Variants in PHTF1 observed in about 807,000 individuals in gnomAD.
PHTF1 encodes protein PHTF1.
Under a neutral mutation model 102.4 loss-of-function variants are expected in PHTF1, and 88 were observed. That is an observed-to-expected ratio of 0.86 (90% CI 0.72 to 1.03). The LOEUF (loss-of-function observed/expected upper bound fraction) is 1.03, where lower values mean the gene tolerates loss of function less well. PHTF1 is among the 50% of genes least tolerant of loss of function. The pLI, the probability that PHTF1 is intolerant of heterozygous loss-of-function variation, is 0.00. For synonymous variants in PHTF1, 289 were observed against 305.2 expected (o/e 0.95, Z 0.55); for missense variants, 814 against 909.5 (o/e 0.89, Z 1.35).
chr1:113,717,197 AC>A (rs1218829050), intron 7 of PHTF1, among the ~76,000 whole-genome samples: 44 of 152,012 alleles, frequency 2.9e-4, no homozygotes, highest in Admixed American at 2.9e-3. Context: ...CCTCAATGTA[AC>A]CCCCAAATTA....
intron 17 of PHTF1, chr1:113,699,459 T>C (rs1649198466): frequency 3.2e-6 from 2 of 629,306 alleles, no homozygotes; most frequent in African/African-American, 1.8e-5. Context: ...TTCATGTCCT[T>C]GACCAGATGG....
chr1:113,739,248 T>C, intron 3 of PHTF1, among the ~76,000 whole-genome samples: 1 of 152,212 alleles, frequency 6.6e-6, no homozygotes, highest in East Asian at 1.9e-4. Context: ...TAAAGCTCCT[T>C]AAAGGAACTT....
At chr1:113,706,803 G>T in intron 11 of PHTF1, 81 bp from the exon 12 acceptor site, 1 of 886,338 alleles carries the variant, frequency 1.1e-6, no homozygotes, top group Non-Finnish European at 1.7e-6. Context: ...CCATTCATTT[G>T]CCAACACTCT....
chr1:113,728,759 A>C (rs1654208586), intron 5 of PHTF1, among the ~76,000 whole-genome samples: 1 of 152,084 alleles, frequency 6.6e-6, no homozygotes, highest in African/African-American at 2.4e-5. Flanking sequence ...AAATATAAAA[A>C]TTTGCCAGGC....
chr1:113,699,325 G>C, intron 17 of PHTF1: 1 of 341,862 alleles, frequency 2.9e-6, no homozygotes, highest in Non-Finnish European at 5.6e-6. Context: ...GATGGTGCTG[G>C]CTACCTCCTT....
chr1:113,720,636 G>A (rs1367412653), intron 7 of PHTF1, among the ~76,000 whole-genome samples: 1 of 152,198 alleles, frequency 6.6e-6, no homozygotes, highest in East Asian at 1.9e-4. Flanking sequence ...TCATGGGCTG[G>A]TGTTGAGTGT....
intron 11 of PHTF1, among the ~76,000 whole-genome samples, chr1:113,709,816 G>C (rs1650783598): frequency 6.6e-6 from 1 of 152,104 alleles, no homozygotes. Flanking sequence ...ATGGCTATCT[G>C]ACTTTATGAT....
chr1:113,699,770 CT>C lies in PHTF1; in HGVS notation c.2075del (p.Lys692SerfsTer10), dbSNP rs752176716. The C allele has an allele frequency of 3.3e-5, 46 of 1,396,684 alleles. No homozygotes were observed. The highest frequency in any genetic ancestry group is 5.7e-5 in the Admixed American group (3 of 52,592). 86.5% of individuals were successfully genotyped at this position (1,396,684 alleles called of 1,614,324 possible). A position where few individuals can be genotyped will look rare whatever the true frequency, so the allele number is the denominator to read the frequency against. ...GAGTAAGCTGTTCTTTCTTATTTGG[CT>C]TTTTTTCCATCTTAAGATATAAATT... ...QINLYLKMEKKPNKKEQLTLV... is the reference protein window; with the variant it reads ...QINLYLKMEKXPNKKEQLTLV... On this transcript the variant is annotated frameshift_variant, in exon 17 of 19. Transcript: ENST00000369604. LOFTEE classifies it high-confidence loss of function.
At chr1:113,744,722 G>A (rs1224016284) in intron 3 of PHTF1, among the ~76,000 whole-genome samples, 1 of 152,204 alleles carries the variant, frequency 6.6e-6, no homozygotes, top group African/African-American at 2.4e-5. Flanking sequence ...GGCTGAGGCA[G>A]GCAGATTCCC....
chr1:113,736,266 C>A (rs1336397449), intron 5 of PHTF1, among the ~76,000 whole-genome samples: 45 of 149,692 alleles, frequency 3.0e-4, no homozygotes, highest in Non-Finnish European at 3.0e-5. Flanking sequence ...GGCGTGAACC[C>A]AGGAGGCAGA....
At chr1:113,758,177 G>C (rs1369396204) in intron 2 of PHTF1, among the ~76,000 whole-genome samples, 3 of 138,732 alleles carry the variant, frequency 2.2e-5, no homozygotes, top group Non-Finnish European at 4.5e-5. Context: ...CTTGCAGTGA[G>C]CCGAGGTCGC....
Position 113,713,351 on chromosome 1 carries a change from T to C in PHTF1, c.711A>G (p.Gln237=), listed in dbSNP as rs144172678. ...SCVHPIIKRR[Q]CRPEIRMWQT... is the part of the protein sequence containing the mutation. ...GCCACATTCTAATCTCTGGTCGACA[T>C]TGTCTCCTCTTAATGATAGGATGGA... The change falls in exon 8 of 19, where the codon CAA becomes CAG. Residue 237 remains glutamine (Q), a synonymous_variant. Transcript: ENST00000369604. 1.1e-4 allele frequency: 172 copies of C among 1,611,544 alleles called. No homozygotes were observed. In the African/African-American group the frequency reaches 1.8e-3, roughly 17 times the overall value.
chr1:113,755,044 C>T (rs1658638158), intron 3 of PHTF1, among the ~76,000 whole-genome samples: 1 of 151,684 alleles, frequency 6.6e-6, no homozygotes, highest in African/African-American at 2.4e-5. Context: ...TTTTCATGAC[C>T]CAAGTTAAGA....
chr1:113,731,172 T>C (rs1654574308), intron 5 of PHTF1, among the ~76,000 whole-genome samples: 1 of 152,144 alleles, frequency 6.6e-6, no homozygotes, highest in Non-Finnish European at 1.5e-5. Flanking sequence ...TCATGTTGTG[T>C]ATATGTTACC....
intron 7 of PHTF1, among the ~76,000 whole-genome samples, chr1:113,719,220 C>T (rs1652540143): frequency 6.6e-6 from 1 of 152,082 alleles, no homozygotes; most frequent in Non-Finnish European, 1.5e-5. Context: ...CCAGATTGGT[C>T]TTAAACTACT....
intron 14 of PHTF1, 54 bp from the exon 15 acceptor site, chr1:113,704,221 C>T (rs1649785287): frequency 9.8e-7 from 1 of 1,021,270 alleles, no homozygotes. Context: ...ACAGCAACCG[C>T]CCTCACATTA....
chr1:113,703,433 G>C (rs1649662203), intron 15 of PHTF1, among the ~76,000 whole-genome samples: 2 of 152,176 alleles, frequency 1.3e-5, no homozygotes, highest in African/African-American at 4.8e-5. Context: ...CTGTCAAAAG[G>C]GTACAGGAGG....
At chr1:113,699,383 G>GACA in intron 17 of PHTF1, 1 of 468,452 alleles carries the variant, frequency 2.1e-6, no homozygotes, top group Non-Finnish European at 4.1e-6. Flanking sequence ...CCTCAATGGT[G>GACA]ACAAATGCCT....
At chr1:113,755,695 G>A (rs1023222330) in intron 3 of PHTF1, among the ~76,000 whole-genome samples, 17 of 152,110 alleles carry the variant, frequency 1.1e-4, no homozygotes, top group Non-Finnish European at 2.1e-4. Context: ...ACACACATAG[G>A]TTAACAAATA....
Sources: gnomAD v4.1 joint callset for allele counts (sites outside exome capture counted in the v4.1 genomes callset) on GRCh38, gnomAD v4.1.1 for gene constraint, MANE v1.5 for transcripts, NCBI Gene and HGNC (gene_info 2026-07-23, HGNC 2026-07-21) for gene names.